RAD51B: variants seen among roughly 807,000 people sequenced by gnomAD.
The protein encoded by RAD51B is DNA repair protein RAD51 homolog 2.
In RAD51B, 38 loss-of-function variants were observed where a neutral mutation model predicts 42.2. That is an observed-to-expected ratio of 0.90 (90% CI 0.70 to 1.18). The LOEUF is 1.18. Ranked by LOEUF, RAD51B falls within the 50% of genes most tolerant of loss-of-function variation. RAD51B has a pLI of 0.00. For missense variants in RAD51B, 373 were observed against 400.7 expected (o/e 0.93, Z 0.59); for synonymous variants, 154 against 145.2 (o/e 1.06, Z -0.43).
intron 7 of RAD51B, among the ~76,000 whole-genome samples, chr14:68,235,345 A>C (rs2080226565): frequency 6.6e-6 from 1 of 151,888 alleles, no homozygotes; most frequent in East Asian, 1.9e-4. Context: ...AGCCAATTAG[A>C]TCAAGCAGAA....
intron 7 of RAD51B, among the ~76,000 whole-genome samples, chr14:68,113,063 A>T (rs2077484319): frequency 6.6e-6 from 1 of 152,156 alleles, no homozygotes; most frequent in Admixed American, 6.6e-5. Flanking sequence ...TAGCATATTT[A>T]TGTTTAAAAA....
At chr14:68,255,494 A>G (rs1029033820) in intron 7 of RAD51B, among the ~76,000 whole-genome samples, 1 of 152,184 alleles carries the variant, frequency 6.6e-6, no homozygotes, top group African/African-American at 2.4e-5. Context: ...CATTCACACT[A>G]ATTTTCAAAG....
At chr14:68,003,288 G>A (rs190627509) in intron 7 of RAD51B, among the ~76,000 whole-genome samples, 1 of 152,222 alleles carries the variant, frequency 6.6e-6, no homozygotes, top group African/African-American at 2.4e-5. Flanking sequence ...TAGCAATTGT[G>A]AATGGGAGTT....
At chr14:68,532,592 A>C (rs750315107) in intron 10 of RAD51B, among the ~76,000 whole-genome samples, 6 of 152,202 alleles carry the variant, frequency 3.9e-5, no homozygotes, top group Non-Finnish European at 8.8e-5. Context: ...TGCTACCACA[A>C]ATCAGAGCCT....
At chr14:68,320,512 T>C (rs1217492032) in intron 8 of RAD51B, among the ~76,000 whole-genome samples, 1 of 152,258 alleles carries the variant, frequency 6.6e-6, no homozygotes, top group African/African-American at 2.4e-5. Context: ...ATGGCTGTTC[T>C]AATTCTGCAG....
chr14:68,108,669 A>C (rs2077413918), intron 7 of RAD51B, among the ~76,000 whole-genome samples: 1 of 151,944 alleles, frequency 6.6e-6, no homozygotes, highest in Admixed American at 6.6e-5. Flanking sequence ...CAGAGTAATG[A>C]AAATGTTCTG....
At chr14:68,370,796 G>A (rs1162677419) in intron 8 of RAD51B, among the ~76,000 whole-genome samples, 1 of 152,070 alleles carries the variant, frequency 6.6e-6, no homozygotes, top group Non-Finnish European at 1.5e-5. Flanking sequence ...TGTAATCCCA[G>A]CACTTTGGGA....
At chr14:68,194,331 G>A (rs996849903) in intron 7 of RAD51B, among the ~76,000 whole-genome samples, 1 of 152,162 alleles carries the variant, frequency 6.6e-6, no homozygotes, top group South Asian at 2.1e-4. Flanking sequence ...TTCCAGGCAA[G>A]AAATATTAAG....
intron 7 of RAD51B, among the ~76,000 whole-genome samples, chr14:68,068,751 G>A (rs1220735661): frequency 5.3e-5 from 8 of 152,212 alleles, no homozygotes; most frequent in South Asian, 2.1e-4. Flanking sequence ...TGAAGATTCC[G>A]ATTCCTCCAC....
intron 8 of RAD51B, among the ~76,000 whole-genome samples, chr14:68,396,816 T>A (rs2083937025): frequency 6.6e-6 from 1 of 152,170 alleles, no homozygotes; most frequent in Non-Finnish European, 1.5e-5. Context: ...ATGAATGGGA[T>A]GTCCAGAAAA....
intron 9 of RAD51B, among the ~76,000 whole-genome samples, chr14:68,464,541 A>G (rs963704493): frequency 3.2e-4 from 48 of 152,230 alleles, no homozygotes; most frequent in African/African-American, 1.1e-3. Context: ...ATCTTATTCA[A>G]GTCAGTAAGA....
intron 5 of RAD51B, among the ~76,000 whole-genome samples, chr14:67,872,824 A>G (rs1259812084): frequency 2.6e-5 from 4 of 151,732 alleles, no homozygotes; most frequent in Non-Finnish European, 5.9e-5. Context: ...ACCTGAGAAA[A>G]ACAAGCAATG....
intron 9 of RAD51B, among the ~76,000 whole-genome samples, chr14:68,447,810 T>C (rs1333827820): frequency 6.6e-6 from 1 of 152,184 alleles, no homozygotes; most frequent in East Asian, 1.9e-4. Context: ...TACAACCTTT[T>C]CTGGGTTAGT....
chr14:68,203,513 T>G (rs889658305), intron 7 of RAD51B, among the ~76,000 whole-genome samples: 31 of 152,180 alleles, frequency 2.0e-4, no homozygotes, highest in African/African-American at 7.5e-4. Flanking sequence ...TTAGGGACTC[T>G]GGGTTTTCAG....
At chr14:68,464,547 T>A (rs1054539224) in intron 9 of RAD51B, among the ~76,000 whole-genome samples, 8 of 152,224 alleles carry the variant, frequency 5.3e-5, no homozygotes, top group African/African-American at 1.9e-4. Flanking sequence ...TTCAAGTCAG[T>A]AAGACCAAGC....
chr14:68,060,066 A>G (rs981253860), intron 7 of RAD51B, among the ~76,000 whole-genome samples: 6 of 152,210 alleles, frequency 3.9e-5, no homozygotes, highest in Non-Finnish European at 7.3e-5. Flanking sequence ...GTATATTTAG[A>G]CAAGAGTCCC....
chr14:68,085,550 T>C (rs1431215128), intron 7 of RAD51B, among the ~76,000 whole-genome samples: 1 of 152,196 alleles, frequency 6.6e-6, no homozygotes, highest in African/African-American at 2.4e-5. Flanking sequence ...AGAGTTCAAG[T>C]AAAATACAAA....
intron 9 of RAD51B, among the ~76,000 whole-genome samples, chr14:68,412,368 G>T (rs1186436070): frequency 5.9e-5 from 9 of 152,110 alleles, no homozygotes; most frequent in Admixed American, 5.9e-4. Flanking sequence ...AGCCAGATTT[G>T]CCCACCTTGC....
chr14:68,619,122 GAGA>G (rs1263249045), intron 10 of RAD51B, among the ~76,000 whole-genome samples: 2 of 152,180 alleles, frequency 1.3e-5, no homozygotes, highest in Non-Finnish European at 2.9e-5. Flanking sequence ...ATGCTCCCTG[GAGA>G]AGATTTATTT....
Sources: gnomAD v4.1 joint callset for allele counts (sites outside exome capture counted in the v4.1 genomes callset) on GRCh38, gnomAD v4.1.1 for gene constraint, MANE v1.5 for transcripts, NCBI Gene and HGNC (gene_info 2026-07-23, HGNC 2026-07-21) for gene names.